Variants in PSAP observed in about 807,000 individuals in gnomAD.
PSAP encodes prosaposin.
In PSAP, 25 loss-of-function variants were observed where a neutral mutation model predicts 66.0. The observed-to-expected ratio is 0.38, with a 90% CI of 0.28 to 0.53. PSAP has a LOEUF of 0.53. Ranked by LOEUF, PSAP falls within the 20% of genes least tolerant of loss-of-function variation. PSAP has a pLI of 0.83. For synonymous variants in PSAP, 273 were observed against 258.9 expected, an observed-to-expected ratio of 1.05 and a Z score of -0.52; for missense variants, 649 against 668.8, an observed-to-expected ratio of 0.97 and a Z score of 0.33.
chr10:71,819,230 C>T (rs1344989156), intron 11 of PSAP, 119 bp from the exon 12 acceptor site: 7 of 1,090,280 alleles, frequency 6.4e-6, no homozygotes, highest in Admixed American at 1.9e-5. Context: ...ATTCCCAGCC[C>T]ACTGGGTCCT....
At chr10:71,839,544 T>C (rs2133060142) in intron 1 of PSAP, among the ~76,000 whole-genome samples, 1 of 152,008 alleles carries the variant, frequency 6.6e-6, no homozygotes, top group Admixed American at 6.5e-5. Context: ...GGCCCCACAA[T>C]GGGACTTTTT....
chr10:71,817,537 CA>C (rs879304492), intron 13 of PSAP, 61 bp from the exon 14 acceptor site: 27 of 1,539,928 alleles, frequency 1.8e-5, no homozygotes, highest in Non-Finnish European at 2.3e-5. Flanking sequence ...CCCGGCCCAT[CA>C]ATGTATCAGA....
At chr10:71,849,522 A>C (rs977739990) in intron 1 of PSAP, among the ~76,000 whole-genome samples, 13 of 151,612 alleles carry the variant, frequency 8.6e-5, no homozygotes, top group Non-Finnish European at 1.8e-4. Context: ...AATGGCTTGA[A>C]CCCGGAAGGC....
intron 11 of PSAP, 85 bp downstream of exon 11, chr10:71,819,380 G>A (rs1842245009): frequency 6.3e-7 from 1 of 1,575,046 alleles, no homozygotes; most frequent in Non-Finnish European, 8.7e-7. Context: ...GAAACAGCTG[G>A]TTTTCCATCA....
rs780990521 is a variant in PSAP, at chr10:71,817,468, C to T, written c.1548G>A (p.Glu516=). ...AGTTCCACACATGGCGTTTGCAATG[C>T]TCGACAGCCTGGTAGGAGAGAGGAA... The part of the protein sequence containing the change: ...TETAAQCNAV[E]HCKRHVWN The change falls in exon 14 of 14, where the codon GAG becomes GAA. Residue 516 remains glutamate (E), a synonymous_variant. Transcript: ENST00000394936. 7 of 1,614,140 alleles carry T rather than the reference C, an allele frequency of 4.3e-6. No individual in the cohort carries two copies. The highest frequency in any genetic ancestry group is 4.5e-5 in the East Asian group (2 of 44,884).
chr10:71,827,121 G>A (rs573516291), intron 6 of PSAP, among the ~76,000 whole-genome samples: 2 of 152,206 alleles, frequency 1.3e-5, no homozygotes, highest in African/African-American at 2.4e-5. Flanking sequence ...AAATGGCCGG[G>A]CGCGGTGGCT....
intron 11 of PSAP, 168 bp from the exon 12 acceptor site, chr10:71,819,279 T>A (rs1842241958): frequency 2.9e-6 from 3 of 1,046,990 alleles, no homozygotes; most frequent in Middle Eastern, 2.3e-4. Context: ...ACATTTGGCC[T>A]CTCTACTTCA....
At chr10:71,841,835 G>A (rs1177892391) in intron 1 of PSAP, among the ~76,000 whole-genome samples, 1 of 152,034 alleles carries the variant, frequency 6.6e-6, no homozygotes, top group Non-Finnish European at 1.5e-5. Context: ...GTGAAACCTG[G>A]TCTCTACTAC....
intron 1 of PSAP, among the ~76,000 whole-genome samples, chr10:71,847,647 CAAA>C (rs771414790): frequency 4.0e-5 from 5 of 126,070 alleles, no homozygotes; most frequent in Admixed American, 8.0e-5. Flanking sequence ...CTTTCTGCTC[CAAA>C]AAAAAAAAAA....
chr10:71,851,088 G>C lies in PSAP; in HGVS notation c.40+94C>G, dbSNP rs549077239. The stretch of plus-strand genomic sequence containing the variant: ...CGCGCCCCCTTGCCAACTAGGGCAG[G>C]GGGAGCAGAGGGGCCAGGCCCGGCA... On this transcript the variant is annotated intron_variant, in intron 1 of 13. Coordinates refer to ENST00000394936, the MANE Select transcript of PSAP (RefSeq NM_002778.4). 14 of 1,425,440 alleles carry C rather than the reference G, an allele frequency of 9.8e-6. No individual in the cohort carries two copies. In the Admixed American group the frequency reaches 2.6e-4, roughly 26 times the overall value. 88.3% of individuals were successfully genotyped at this position (1,425,440 alleles called of 1,614,324 possible). A position where few individuals can be genotyped will look rare whatever the true frequency, so the allele number is the denominator to read the frequency against.
chr10:71,841,246 G>A (rs969763945), intron 1 of PSAP, among the ~76,000 whole-genome samples: 1 of 152,246 alleles, frequency 6.6e-6, no homozygotes, highest in Non-Finnish European at 1.5e-5. Context: ...GAGCATTGCT[G>A]ACCAGCTGCG....
Position 71,822,013 on chromosome 10 carries a change from G to C in PSAP, c.778-6C>G. 3 of 1,614,118 alleles carry C rather than the reference G, an allele frequency of 1.9e-6. No individual in the cohort carries two copies. The highest frequency in any genetic ancestry group is 2.5e-6 in the Non-Finnish European group (3 of 1,180,000). On this transcript the variant is annotated splice_region_variant and splice_polypyrimidine_tract_variant and intron_variant, in intron 7 of 13. Transcript: ENST00000394936. Reference sequence around the variant, plus strand: ...GCACAGATCTCCTTGGGTTGCTGAAGAGAGCACAGAACAACCAGTCAGCAG... The same window carrying C: ...GCACAGATCTCCTTGGGTTGCTGAACAGAGCACAGAACAACCAGTCAGCAG...
At position 71,819,810 on chromosome 10, in the gene PSAP, T is replaced by C; in HGVS notation, c.1096A>G (p.Ser366Gly). Residue 366 changes from serine (S) to glycine (G), a missense_variant, in exon 10 of 14, where the codon AGC becomes GGC. Coordinates refer to ENST00000394936, the MANE Select transcript of PSAP (RefSeq NM_002778.4). The stretch of plus-strand genomic sequence containing the variant: ...TCCAGCAGGATGGACAGGATGGAGC[T>C]GCCGTACGTGTCCACCACCTCCTGG... ...ECQEVVDTYGSSILSILLEEV... is the reference protein window; with the variant it reads ...ECQEVVDTYGGSILSILLEEV... The C allele has an allele frequency of 6.2e-7, 1 of 1,614,016 alleles. No homozygotes were observed. Among genetic ancestry groups the C allele is most frequent in the Non-Finnish European group, 8.5e-7 (1 of 1,179,970 alleles).
chr10:71,832,891 C>T (rs1277010719), intron 2 of PSAP, among the ~76,000 whole-genome samples: 2 of 151,880 alleles, frequency 1.3e-5, no homozygotes, highest in African/African-American at 2.4e-5. Flanking sequence ...GTGGCGTACA[C>T]CTATAATCCC....
chr10:71,818,185 G>A (rs964114019), intron 13 of PSAP, among the ~76,000 whole-genome samples: 1 of 152,212 alleles, frequency 6.6e-6, no homozygotes, highest in African/African-American at 2.4e-5. Flanking sequence ...GCTGGGCAGG[G>A]GCCAGTTCTC....
chr10:71,822,324 G>C (rs894110567), intron 7 of PSAP: 1 of 433,014 alleles, frequency 2.3e-6, no homozygotes, highest in African/African-American at 2.0e-5. Flanking sequence ...CACCTGGTCT[G>C]TTCTAGAATG....
chr10:71,821,779 C>T (rs1206047487), intron 8 of PSAP, 97 bp downstream of exon 8: 8 of 1,549,692 alleles, frequency 5.2e-6, no homozygotes, highest in South Asian at 2.3e-5. Flanking sequence ...GGCAGGGAAC[C>T]GAAAGAAACA....
At chr10:71,828,294 T>C in intron 5 of PSAP, 137 bp from the exon 6 acceptor site, 1 of 892,020 alleles carries the variant, frequency 1.1e-6, no homozygotes, top group Non-Finnish European at 1.9e-6. Context: ...CTCAAATTAC[T>C]GATAGGCTTA....
chr10:71,846,712 A>G (rs1166914924), intron 1 of PSAP, among the ~76,000 whole-genome samples: 4 of 135,902 alleles, frequency 2.9e-5, no homozygotes, highest in Non-Finnish European at 4.6e-5. Flanking sequence ...AGCCTGGGCA[A>G]CAGAGTAAGA....
Sources: allele counts gnomAD v4.1 joint callset (sites outside exome capture counted in the v4.1 genomes callset), GRCh38; gene constraint gnomAD v4.1.1; transcripts MANE v1.5; gene names NCBI Gene and HGNC (gene_info 2026-07-23, HGNC 2026-07-21).